STARD13: variants seen among roughly 807,000 people sequenced by gnomAD.
STARD13 encodes stAR-related lipid transfer protein 13.
In STARD13, 62 loss-of-function variants were observed where a neutral mutation model predicts 106.4. The observed-to-expected ratio is 0.58, with a 90% confidence interval of 0.48 to 0.72. The LOEUF is 0.72. Ranked by LOEUF, STARD13 falls within the 30% of genes least tolerant of loss-of-function variation. The pLI is 0.00. For missense variants in STARD13, 1,387 were observed against 1,424.0 expected (o/e 0.97, Z 0.42); for synonymous variants, 565 against 553.0 (o/e 1.02, Z -0.31).
chr13:33,127,561 C>T lies in STARD13; in HGVS notation c.1749-15G>A, dbSNP rs753627811. ...ATCGGAGTCGCCTTTACCAGAGAGA[C>T]CATCAGAGAAGCCAGTCACAAAGTG... On this transcript the variant is annotated splice_polypyrimidine_tract_variant and intron_variant, in intron 5 of 13. Coordinates refer to ENST00000336934, the MANE Select transcript of STARD13 (RefSeq NM_178006.4). 15 of 1,522,014 alleles carry T rather than the reference C, an allele frequency of 9.9e-6. No individual in the cohort carries two copies. Among genetic ancestry groups the T allele is most frequent in the Admixed American group, 2.2e-5 (1 of 45,742 alleles). 94.3% of individuals were successfully genotyped at this position (1,522,014 alleles called of 1,614,324 possible). A position where few individuals can be genotyped will look rare whatever the true frequency, so the allele number is the denominator to read the frequency against.
intron 12 of STARD13, among the ~76,000 whole-genome samples, chr13:33,107,671 T>C (rs1175928663): frequency 2.0e-5 from 3 of 152,070 alleles, no homozygotes; most frequent in East Asian, 3.9e-4. Context: ...AGAAGCACTG[T>C]CTAACAATGT....
intron 8 of STARD13, 140 bp downstream of exon 8, chr13:33,117,925 T>C: frequency 1.4e-6 from 2 of 1,427,168 alleles, no homozygotes; most frequent in Non-Finnish European, 1.8e-6. Context: ...AAAAGTTACT[T>C]CCGTAGAGGA....
the STARD13 span, among the ~76,000 whole-genome samples, chr13:33,585,062 T>C: frequency 6.6e-6 from 1 of 152,218 alleles, no homozygotes; most frequent in Non-Finnish European, 1.5e-5. Context: ...CAGGTATTTC[T>C]TTATAGCAAT....
chr13:33,599,148 C>T, the STARD13 span, among the ~76,000 whole-genome samples: 1 of 152,198 alleles, frequency 6.6e-6, no homozygotes, highest in Non-Finnish European at 1.5e-5. Flanking sequence ...GGCATCCTAA[C>T]CCAAACCAAG....
intron 1 of STARD13, among the ~76,000 whole-genome samples, chr13:33,247,104 G>T (rs1889861147): frequency 6.6e-6 from 1 of 152,102 alleles, no homozygotes; most frequent in Non-Finnish European, 1.5e-5. Context: ...GGCTGAGGCA[G>T]GAGAATGGCT....
the STARD13 span, among the ~76,000 whole-genome samples, chr13:33,503,407 T>C: frequency 6.6e-6 from 1 of 152,220 alleles, no homozygotes; most frequent in Non-Finnish European, 1.5e-5. Context: ...TCTTAGTTAT[T>C]TCTTGCCTTC....
chr13:33,268,140 A>C (rs1890991883), intron 1 of STARD13, among the ~76,000 whole-genome samples: 1 of 152,190 alleles, frequency 6.6e-6, no homozygotes, highest in Admixed American at 6.5e-5. Flanking sequence ...TTGTTTTAGG[A>C]CAAAACATAT....
At chr13:33,517,640 G>A in the STARD13 span, among the ~76,000 whole-genome samples, 3 of 152,178 alleles carry the variant, frequency 2.0e-5, no homozygotes, top group African/African-American at 7.2e-5. Context: ...AAAAGGGATG[G>A]CCAAACTGAT....
At chr13:33,309,791 G>A (rs934264407) in intron 1 of STARD13, among the ~76,000 whole-genome samples, 1 of 152,178 alleles carries the variant, frequency 6.6e-6, no homozygotes, top group African/African-American at 2.4e-5. Context: ...CACTGGGAAT[G>A]AATGTATGGT....
In STARD13 at chr13:33,226,473, C is replaced by T. The variant is rs941051661; in HGVS notation, c.170-58851G>A. Among the ~76,000 whole-genome samples the T allele has an allele frequency of 4.7e-5, 6 of 128,190 alleles. No individual in the cohort carries two copies. The East Asian group carries it at 6.5e-4, about 14-fold the overall frequency. 84.1% of individuals were successfully genotyped at this position (128,190 alleles called of 152,430 possible). A position where few individuals can be genotyped will look rare whatever the true frequency, so the allele number is the denominator to read the frequency against. On this transcript the variant is annotated intron_variant, in intron 1 of 13. Transcript: ENST00000336934. The stretch of plus-strand genomic sequence containing the variant: ...TTTTTTTAGATGAATATTGTTTTGT[C>T]GCCCAGGCTGGAGTTCAGTGGCACG...
intron 1 of STARD13, among the ~76,000 whole-genome samples, chr13:33,298,821 G>A (rs1892601401): frequency 6.6e-6 from 1 of 152,090 alleles, no homozygotes; most frequent in Non-Finnish European, 1.5e-5. Context: ...GAATGGGCAT[G>A]GCAAGAGCTG....
At chr13:33,107,184 G>T (rs1873864488) in intron 12 of STARD13, among the ~76,000 whole-genome samples, 1 of 152,176 alleles carries the variant, frequency 6.6e-6, no homozygotes. Flanking sequence ...TCTGCATCTG[G>T]AATCCCCAGC....
At chr13:33,434,130 A>G in the STARD13 span, among the ~76,000 whole-genome samples, 1 of 152,166 alleles carries the variant, frequency 6.6e-6, no homozygotes, top group Admixed American at 6.5e-5. Context: ...AGGCAGGTGG[A>G]TCACTTGAGG....
the STARD13 span, among the ~76,000 whole-genome samples, chr13:33,597,584 G>A: frequency 2.0e-5 from 3 of 151,872 alleles, no homozygotes; most frequent in Admixed American, 1.3e-4. Context: ...GGTGGCTCAC[G>A]CCTCTAATCC....
chr13:33,582,154 G>A, the STARD13 span, among the ~76,000 whole-genome samples: 2 of 151,852 alleles, frequency 1.3e-5, no homozygotes, highest in South Asian at 4.2e-4. Context: ...CCCAGCAGGC[G>A]GAGCTTGCAG....
intron 7 of STARD13, among the ~76,000 whole-genome samples, chr13:33,124,724 A>AC (rs11402116): frequency 2.4e-4 from 37 of 152,002 alleles, no homozygotes; most frequent in Admixed American, 1.2e-3. Context: ...GATTAAAAAA[A>AC]TTAAAATGTT....
chr13:33,564,673 CA>C, the STARD13 span, among the ~76,000 whole-genome samples: 1 of 147,082 alleles, frequency 6.8e-6, no homozygotes, highest in African/African-American at 2.5e-5. Context: ...TGTATACCTA[CA>C]AATGGAACAT....
At chr13:33,519,224 CTTT>C in the STARD13 span, among the ~76,000 whole-genome samples, 1 of 144,160 alleles carries the variant, frequency 6.9e-6, no homozygotes, top group Non-Finnish European at 1.5e-5. Flanking sequence ...TTCTTTCTTT[CTTT>C]CTTTCTTTCT....
chr13:33,165,330 G>A lies in STARD13; in HGVS notation c.323+7C>T, dbSNP rs780857218. On this transcript the variant is annotated splice_region_variant and intron_variant, in intron 3 of 13. Coordinates refer to ENST00000336934, the MANE Select transcript of STARD13 (RefSeq NM_178006.4). ...GGAAAGAAACAAAAATACTTCACAT[G>A]GTTTACCTGCAAAGAGGTTCTACAA... is the stretch of plus-strand genomic sequence containing the variant. The A allele has an allele frequency of 5.9e-5, 94 of 1,605,404 alleles. No individual in the cohort carries two copies. Among genetic ancestry groups the A allele is most frequent in the Non-Finnish European group, 7.7e-5 (90 of 1,172,332 alleles).
Sources: gnomAD v4.1 joint callset for allele counts (sites outside exome capture counted in the v4.1 genomes callset) on GRCh38, gnomAD v4.1.1 for gene constraint, MANE v1.5 for transcripts, NCBI Gene and HGNC (gene_info 2026-07-23, HGNC 2026-07-21) for gene names.